CIC: variants seen among roughly 807,000 people sequenced by gnomAD.
CIC encodes the protein protein capicua homolog.
In CIC, 18 loss-of-function variants were observed where a neutral mutation model predicts 115.7. The ratio of observed to expected loss-of-function variants is 0.16; its 90% CI spans 0.11 to 0.23. CIC has a LOEUF of 0.23. CIC is among the 10% of genes least tolerant of loss of function. The pLI is 1.00. For missense variants in CIC, 2,000 were observed against 2,159.3 expected (o/e 0.93, Z 1.46); for synonymous variants, 1,076 against 923.0 (o/e 1.17, Z -3.01).
chr19:42,285,198 G>T (rs1397704990), intron 2 of CIC, among the ~76,000 whole-genome samples: 2 of 152,238 alleles, frequency 1.3e-5, no homozygotes, highest in East Asian at 3.9e-4. Flanking sequence ...GTGTGGTGTA[G>T]TTTGCAGAGA....
At position 42,294,691 on chromosome 19, in the gene CIC, C is replaced by T; in HGVS notation, c.7142C>T (p.Ala2381Val). Residue 2381 changes from alanine to valine, a missense_variant, in exon 20 of 21, where the codon GCC becomes GTC. Physicochemically the swap from Ala to Val is moderately conservative, Grantham distance 64. This residue lies in a region of CIC where 99 missense variants were observed against 217.6 expected (regional missense o/e 0.45). Transcript: ENST00000681038. ...CGGCGCACCCTGGACCAGCGCCGGGCCCTGGTCATGCAGCTCTTTCAGGAC... is the reference window on the plus strand; with the variant it reads ...CGGCGCACCCTGGACCAGCGCCGGGTCCTGGTCATGCAGCTCTTTCAGGAC... ...SLRRTLDQRR[A>V]LVMQLFQDHG... 1 of 1,613,732 alleles carries T rather than the reference C, an allele frequency of 6.2e-7. No homozygotes were observed. The highest frequency in any genetic ancestry group is 8.5e-7 in the Non-Finnish European group (1 of 1,180,010).
At position 42,290,337 on chromosome 19, in the gene CIC, C is replaced by T. The variant is rs747530716; in HGVS notation, c.4296C>T (p.Ala1432=). The change falls in exon 11 of 21, where the codon GCC becomes GCT. Residue 1432 remains alanine, a synonymous_variant. Coordinates refer to ENST00000681038, the MANE Select transcript of CIC (RefSeq NM_001386298.1). ...CAGGGCCCCCGGATCCTCCTGTAGC[C>T]TTTGGCAAAGGCTATGGTTCCGCCC... ...EPPGPPDPPV[A]FGKGYGSAPS... 6.2e-7 allele frequency: 1 copy of T among 1,614,134 alleles called. No individual in the cohort carries two copies. Among genetic ancestry groups the T allele is most frequent in the Non-Finnish European group, 8.5e-7 (1 of 1,179,996 alleles).
rs2038254213 is a variant in CIC at position 42,293,000 on chromosome 19, C to T, written c.6241C>T (p.Pro2081Ser). Reference sequence around the variant, plus strand: ...CTTAGTGGCCCCCAAGGCCCAGCGGCCCAGCCCGAAGGCCCCCCAGAAAGT... The same window carrying T: ...CTTAGTGGCCCCCAAGGCCCAGCGGTCCAGCCCGAAGGCCCCCCAGAAAGT... The part of the protein sequence containing the change: ...YSLVAPKAQR[P>S]SPKAPQKVKA... The change falls in exon 16 of 21, where the codon CCC becomes TCC. Residue 2081 changes from proline to serine, a missense_variant. Pro to Ser is a moderately conservative substitution (Grantham distance 74, BLOSUM62 -1). This residue lies in a region of CIC where 1,466 missense variants were observed against 1,390.4 expected (regional missense o/e 1.05). Transcript: ENST00000681038. 3 of 1,613,612 alleles carry T rather than the reference C, an allele frequency of 1.9e-6. No homozygotes were observed. The highest frequency in any genetic ancestry group is 2.5e-6 in the Non-Finnish European group (3 of 1,180,004).
chr19:42,292,767 C>T lies in CIC; in HGVS notation c.6104C>T (p.Thr2035Ile), dbSNP rs1386219195. 2.5e-6 allele frequency: 4 copies of T among 1,613,778 alleles called. No homozygotes were observed. The highest frequency in any genetic ancestry group is 2.5e-6 in the Non-Finnish European group (3 of 1,179,952). Residue 2035 changes from threonine (T) to isoleucine (I), a missense_variant, in exon 15 of 21, where the codon ACA becomes ATA. Transcript: ENST00000681038. ...CTGGTCTACACTGTGGCCACCAGCA[C>T]AACCCCACCTGCAGCCACCATTCTG... ...PSLVYTVATS[T>I]TPPAATILPK...
At chr19:42,269,894 G>T (rs2036709340) in intron 1 of CIC, among the ~76,000 whole-genome samples, 1 of 152,080 alleles carries the variant, frequency 6.6e-6, no homozygotes, top group Non-Finnish European at 1.5e-5. Context: ...ACCCCAAAGA[G>T]CCAGGGCCTG....
At position 42,292,742 on chromosome 19, in the gene CIC, C is replaced by G. The variant is rs752934273; in HGVS notation, c.6079C>G (p.Leu2027Val). 2 of 1,613,650 alleles carry G rather than the reference C, an allele frequency of 1.2e-6. No individual in the cohort carries two copies. Among genetic ancestry groups the G allele is most frequent in the South Asian group, 1.1e-5 (1 of 91,078 alleles). Residue 2027 changes from leucine to valine, a missense_variant, in exon 15 of 21, where the codon CTG (leucine) becomes GTG (valine). Leu to Val is a conservative substitution (Grantham distance 32). Around this residue, in one of 8 missense-constraint regions of CIC, gnomAD observed 1,466 missense variants for 1,390.4 expected, o/e 1.05. Coordinates refer to ENST00000681038, the MANE Select transcript of CIC (RefSeq NM_001386298.1). ...LAQPSQAPPS[L>V]VYTVATSTTP... ...CCAGCCATCCCAGGCCCCCCCAAGC[C>G]TGGTCTACACTGTGGCCACCAGCAC...
rs757560921 is a variant in CIC at position 42,294,344 on chromosome 19, C to G, written c.7054+40C>G. 3.7e-6 allele frequency: 6 copies of G among 1,609,178 alleles called. No individual in the cohort carries two copies. The African/African-American group carries it at 6.7e-5, about 18-fold the overall frequency. ...AGAACTTTGGGGGCCTGGGGACCTG[C>G]AAGAGGAGTGGGTCTCTGGAAGGCG... On this transcript the variant is annotated intron_variant, in intron 19 of 20. Transcript: ENST00000681038.
At chr19:42,293,514 A>T (rs2038302249) in intron 16 of CIC, 78 bp from the exon 17 acceptor site, 1 of 1,607,968 alleles carries the variant, frequency 6.2e-7, no homozygotes, top group Admixed American at 1.7e-5. Context: ...GCGGGCTCAG[A>T]TCCAACTCTT....
At position 42,295,083 on chromosome 19, in the gene CIC, G is replaced by A. The variant is rs564672494; in HGVS notation, c.7446G>A (p.Pro2482=). ...ACTCTGGCACGGCCCAGGCTGCCCC[G>A]CCACTGCCTCCACCCCCAGAGTCGG... ...SSDSGTAQAA[P]PLPPPPESGP... The change falls in exon 21 of 21, where the codon CCG becomes CCA. Residue 2482 remains proline (P), a synonymous_variant. Coordinates refer to ENST00000681038, the MANE Select transcript of CIC (RefSeq NM_001386298.1). 3.5e-5 allele frequency: 54 copies of A among 1,527,090 alleles called. No homozygotes were observed. Among genetic ancestry groups the A allele is most frequent in the Middle Eastern group, 3.9e-4 (2 of 5,154 alleles). The allele number at this position is 1,527,090 out of a possible 1,614,324, so 94.6% of individuals were successfully genotyped here. A position where few individuals can be genotyped will look rare whatever the true frequency, so the allele number is the denominator to read the frequency against.
chr19:42,292,017 G>T lies in CIC; in HGVS notation c.5614-69G>T, dbSNP rs10415478. The T allele has an allele frequency of 2.4e-3, 3,927 of 1,607,936 alleles. 103 individuals are homozygous for T. In the African/African-American group the frequency reaches 0.046, roughly 19 times the overall value. ...GCTTTTGCTTAGAGTCCCACTTGAG[G>T]TCTTGGTCTTCCCCTGCCCCAGTCT... is the stretch of plus-strand genomic sequence containing the variant. On this transcript the variant is annotated intron_variant, in intron 12 of 20. Coordinates refer to ENST00000681038, the MANE Select transcript of CIC (RefSeq NM_001386298.1).
rs747969767 is a variant in CIC at position 42,292,985 on chromosome 19, C to T, written c.6226C>T (p.Pro2076Ser). Residue 2076 changes from proline (P) to serine (S), a missense_variant, in exon 16 of 21, where the codon CCC becomes TCC. This residue lies in a region of CIC where 1,466 missense variants were observed against 1,390.4 expected (regional missense o/e 1.05). Transcript: ENST00000681038. ...TTCCATGACCTACAGCTTAGTGGCCCCCAAGGCCCAGCGGCCCAGCCCGAA... is the reference window on the plus strand; with the variant it reads ...TTCCATGACCTACAGCTTAGTGGCCTCCAAGGCCCAGCGGCCCAGCCCGAA... ...AGSMTYSLVA[P>S]KAQRPSPKAP... The T allele has an allele frequency of 1.8e-5, 29 of 1,613,482 alleles. No individual in the cohort carries two copies. Among genetic ancestry groups the T allele is most frequent in the African/African-American group, 2.7e-5 (2 of 74,916 alleles).
intron 2 of CIC, among the ~76,000 whole-genome samples, chr19:42,274,981 C>T (rs2036917083): frequency 6.6e-6 from 1 of 152,192 alleles, no homozygotes; most frequent in South Asian, 2.1e-4. Context: ...TCACATCCAC[C>T]TCATAGAGCA....
intron 2 of CIC, among the ~76,000 whole-genome samples, chr19:42,279,018 T>C (rs1159869233): frequency 6.6e-6 from 1 of 152,188 alleles, no homozygotes; most frequent in Admixed American, 6.5e-5. Context: ...CAGGTCATCC[T>C]ACCTCCCCCT....
intron 7 of CIC, among the ~76,000 whole-genome samples, chr19:42,288,395 A>G (rs2037817653): frequency 6.6e-6 from 1 of 152,196 alleles, no homozygotes; most frequent in Non-Finnish European, 1.5e-5. Flanking sequence ...AGTTGGGGCC[A>G]CTGCAGCTCG....
In CIC at chr19:42,271,344, G is replaced by C. The variant is rs970295520; in HGVS notation, c.-10-430G>C. On this transcript the variant is annotated intron_variant, in intron 1 of 20. Transcript: ENST00000681038. ...GGACAAGTTGTCTCATCTTTTTGTGGCTCAGTTTCCTCAGGTGTGAAATGA... is the reference window on the plus strand; with the variant it reads ...GGACAAGTTGTCTCATCTTTTTGTGCCTCAGTTTCCTCAGGTGTGAAATGA... 3.3e-5 allele frequency among the ~76,000 whole-genome samples: 5 copies of C among 152,318 alleles called. No homozygotes were observed. In the South Asian group the frequency reaches 6.2e-4, roughly 19 times the overall value.
At position 42,270,825 on chromosome 19, in the gene CIC, G is replaced by A. The variant is rs767119593; in HGVS notation, c.-10-949G>A. On this transcript the variant is annotated intron_variant, in intron 1 of 20. Transcript: ENST00000681038. The surrounding 1 kb of genome is among the most constrained non-coding windows in gnomAD (Gnocchi z 4.1). ...GCTCTGTGTCCCACTGTGTGATGAC[G>A]TGTGCGTGCTTCTGTGCGTGTGTGT... Among the ~76,000 whole-genome samples, 2 of 152,150 alleles carry A rather than the reference G, an allele frequency of 1.3e-5. No homozygotes were observed. Among genetic ancestry groups the A allele is most frequent in the Non-Finnish European group, 2.9e-5 (2 of 67,992 alleles).
At position 42,291,736 on chromosome 19, in the gene CIC, C is replaced by A. The variant is rs1426112620; in HGVS notation, c.5604C>A (p.Pro1868=). ...TACCTGTGCAGAATGGTGCCCAGCCCCCCAGCAAGGTGAGGGCCTGCCTTT... is the reference window on the plus strand; with the variant it reads ...TACCTGTGCAGAATGGTGCCCAGCCACCCAGCAAGGTGAGGGCCTGCCTTT... ...FSVPVQNGAQ[P]PSKIIQLTPV... is the part of the protein sequence containing the mutation. Residue 1868 remains proline (P), a synonymous_variant, in exon 12 of 21, where the codon CCC becomes CCA. Transcript: ENST00000681038. The A allele has an allele frequency of 3.7e-6, 6 of 1,613,046 alleles. No individual in the cohort carries two copies. The highest frequency in any genetic ancestry group is 5.1e-6 in the Non-Finnish European group (6 of 1,180,020).
intron 2 of CIC, among the ~76,000 whole-genome samples, chr19:42,275,083 T>C (rs2036921961): frequency 6.6e-6 from 1 of 152,218 alleles, no homozygotes; most frequent in Non-Finnish European, 1.5e-5. Flanking sequence ...TATGCTTCTT[T>C]AGAGGAAACT....
intron 1 of CIC, among the ~76,000 whole-genome samples, chr19:42,271,081 T>TG (rs1357398989): frequency 4.9e-4 from 10 of 20,236 alleles, no homozygotes; most frequent in Middle Eastern, 0.026. Context: ...AGAGGGAGGG[T>TG]GGGGGGGTGG....
Sources: allele counts gnomAD v4.1 joint callset (sites outside exome capture counted in the v4.1 genomes callset), GRCh38; gene constraint gnomAD v4.1.1; regional missense constraint gnomAD v4.1.1; non-coding constraint Gnocchi (gnomAD v3.1); transcripts MANE v1.5; gene names NCBI Gene and HGNC (gene_info 2026-07-23, HGNC 2026-07-21).